The following ASTN2 variants were observed in gnomAD, a reference collection of about 807,000 sequenced individuals.
ASTN2 encodes the protein astrotactin 2.
ASTN2 carries 54 observed loss-of-function variants against 139.8 expected under a neutral mutation model. The ratio of observed to expected loss-of-function variants is 0.39; its 90% confidence interval spans 0.31 to 0.48. ASTN2 has a LOEUF of 0.48. ASTN2 is among the 20% of genes least tolerant of loss of function. The pLI is 0.95. For missense variants in ASTN2, 1,565 were observed against 1,725.1 expected (o/e 0.91, Z 1.64); for synonymous variants, 756 against 719.5 (o/e 1.05, Z -0.81).
intron 19 of ASTN2, chr9:116,611,902 A>C (rs1855557738): frequency 6.6e-6 from 1 of 152,168 alleles, no homozygotes. Context: ...GAAAAGGAGA[A>C]AATATTTTAT....
At chr9:117,155,712 A>G (rs1830418572) in intron 3 of ASTN2, among the ~76,000 whole-genome samples, 1 of 152,058 alleles carries the variant, frequency 6.6e-6, no homozygotes, top group Non-Finnish European at 1.5e-5. Context: ...ATGGATTTAA[A>G]GCTCCAGACA....
At chr9:116,956,094 CTT>C (rs71379245) in intron 10 of ASTN2, among the ~76,000 whole-genome samples, 3 of 119,128 alleles carry the variant, frequency 2.5e-5, no homozygotes, top group Non-Finnish European at 3.3e-5. Flanking sequence ...TTTTTCTTTT[CTT>C]TTTTTTTTTT....
chr9:116,928,600 C>T lies in ASTN2; in HGVS notation c.1889+46608G>A, dbSNP rs574562174. On this transcript the variant is annotated intron_variant, in intron 10 of 22. Transcript: ENST00000313400. ...GTAATATGTTATAAATCATACACTC[C>T]ATGAGTTTACAAAAGAACAGAGAAA... 2.3e-4 allele frequency among the ~76,000 whole-genome samples: 35 copies of T among 151,976 alleles called. 1 individual carries two copies. The highest frequency in any genetic ancestry group is 4.6e-4 in the Non-Finnish European group (31 of 67,996).
intron 2 of ASTN2, among the ~76,000 whole-genome samples, chr9:117,228,432 G>A (rs1452041874): frequency 6.6e-6 from 1 of 152,142 alleles, no homozygotes; most frequent in East Asian, 1.9e-4. Context: ...CATTGATGCT[G>A]TAGCTGCCAA....
intron 19 of ASTN2, among the ~76,000 whole-genome samples, chr9:116,606,757 T>C (rs1855228830): frequency 6.6e-6 from 1 of 152,134 alleles, no homozygotes; most frequent in African/African-American, 2.4e-5. Context: ...TCTCAAGAAC[T>C]GTGCTGGAAT....
intron 5 of ASTN2, among the ~76,000 whole-genome samples, chr9:117,062,450 T>A (rs1350863259): frequency 6.6e-6 from 1 of 152,196 alleles, no homozygotes; most frequent in Non-Finnish European, 1.5e-5. Flanking sequence ...ATACAGTGCT[T>A]TGGGCCCTGT....
chr9:117,252,161 G>A (rs1308490079), intron 2 of ASTN2, among the ~76,000 whole-genome samples: 2 of 152,132 alleles, frequency 1.3e-5, no homozygotes, highest in African/African-American at 4.8e-5. Flanking sequence ...TCAAGGCCAG[G>A]CTCATTTGAT....
At chr9:117,390,173 A>C (rs1185744551) in intron 1 of ASTN2, among the ~76,000 whole-genome samples, 1 of 152,210 alleles carries the variant, frequency 6.6e-6, no homozygotes, top group Admixed American at 6.5e-5. Context: ...ATATATACAG[A>C]TATTTTTTAA....
At chr9:116,510,139 G>C (rs1293675816) in intron 19 of ASTN2, among the ~76,000 whole-genome samples, 1 of 152,128 alleles carries the variant, frequency 6.6e-6, no homozygotes, top group Non-Finnish European at 1.5e-5. Context: ...TATGGTTTCA[G>C]GTCTAACATT....
At chr9:116,535,478 G>A (rs190759032) in intron 19 of ASTN2, among the ~76,000 whole-genome samples, 76 of 151,812 alleles carry the variant, frequency 5.0e-4, no homozygotes, top group Admixed American at 3.0e-3. Context: ...GCAATTTGGC[G>A]TGTTTTTGCT....
chr9:117,361,047 G>A (rs1829678737), intron 1 of ASTN2, among the ~76,000 whole-genome samples: 1 of 152,052 alleles, frequency 6.6e-6, no homozygotes. Context: ...TCAATCTCAG[G>A]GGGATTGAGA....
intron 16 of ASTN2, among the ~76,000 whole-genome samples, chr9:116,672,705 C>T (rs1202563533): frequency 1.3e-5 from 2 of 152,136 alleles, no homozygotes; most frequent in Non-Finnish European, 2.9e-5. Context: ...GTACAGAAGG[C>T]TAAGTTAGTT....
intron 13 of ASTN2, among the ~76,000 whole-genome samples, chr9:116,794,424 T>G (rs1830638595): frequency 6.6e-6 from 1 of 151,916 alleles, no homozygotes; most frequent in East Asian, 1.9e-4. Context: ...TTGAAGAAAG[T>G]CTACAAATTT....
At chr9:116,721,450 G>A (rs560284733) in intron 16 of ASTN2, among the ~76,000 whole-genome samples, 1 of 152,326 alleles carries the variant, frequency 6.6e-6, no homozygotes, top group South Asian at 2.1e-4. Flanking sequence ...GCCCCAGTGG[G>A]AAGAAGGTAG....
At chr9:117,104,799 G>A (rs1439910455) in intron 4 of ASTN2, among the ~76,000 whole-genome samples, 3 of 151,930 alleles carry the variant, frequency 2.0e-5, no homozygotes, top group Non-Finnish European at 4.4e-5. Flanking sequence ...CCTAATAAAA[G>A]CTTTGCTTAT....
At chr9:116,544,274 G>T (rs150171001) in intron 19 of ASTN2, among the ~76,000 whole-genome samples, 1 of 152,076 alleles carries the variant, frequency 6.6e-6, no homozygotes, top group Non-Finnish European at 1.5e-5. Context: ...CAGATATTTG[G>T]GGGAGGAGAT....
chr9:116,891,309 A>T (rs1172735542), intron 10 of ASTN2, among the ~76,000 whole-genome samples: 2 of 152,186 alleles, frequency 1.3e-5, no homozygotes, highest in African/African-American at 4.8e-5. Context: ...TACTCAACAG[A>T]TATTTTCTGA....
At chr9:116,618,868 C>T (rs1454884692) in intron 18 of ASTN2, among the ~76,000 whole-genome samples, 20 of 151,982 alleles carry the variant, frequency 1.3e-4, no homozygotes, top group Non-Finnish European at 1.5e-5. Flanking sequence ...ATACAATGTA[C>T]TAGCTAACTT....
intron 12 of ASTN2, among the ~76,000 whole-genome samples, chr9:116,807,699 G>C (rs965932838): frequency 6.6e-6 from 1 of 152,006 alleles, no homozygotes; most frequent in Non-Finnish European, 1.5e-5. Context: ...ATGGAGAAAT[G>C]GTTTACTGGG....
Sources: allele counts gnomAD v4.1 joint callset (sites outside exome capture counted in the v4.1 genomes callset), GRCh38; gene constraint gnomAD v4.1.1; transcripts MANE v1.5; gene names NCBI Gene and HGNC (gene_info 2026-07-23, HGNC 2026-07-21).